The following CCDC149 variants were observed in gnomAD, a reference collection of about 807,000 sequenced individuals.
The protein encoded by CCDC149 is coiled-coil domain-containing protein 149.
CCDC149 carries 45 observed loss-of-function variants against 59.9 expected under a neutral mutation model. The ratio of observed to expected loss-of-function variants is 0.75; its 90% CI spans 0.59 to 0.96. CCDC149 has a LOEUF of 0.96. Among genes scored for constraint, CCDC149 ranks in the 40% least tolerant of loss-of-function variants. CCDC149 has a pLI of 0.00. For synonymous variants in CCDC149, 245 were observed against 260.6 expected, an observed-to-expected ratio of 0.94 and a Z score of 0.58; for missense variants, 584 against 664.7, an observed-to-expected ratio of 0.88 and a Z score of 1.33.
chr4:24,964,592 C>G (rs549351256), intron 1 of CCDC149, among the ~76,000 whole-genome samples: 1 of 152,060 alleles, frequency 6.6e-6, no homozygotes, highest in Admixed American at 6.5e-5. Context: ...GGGACAATAA[C>G]TAAAGAATTG....
Position 24,808,597 on chromosome 4 carries a change from T to C in CCDC149, c.1415A>G (p.Glu472Gly). Residue 472 changes from glutamate (E) to glycine (G), a missense_variant, in exon 13 of 13, where the codon GAA becomes GGA. Physicochemically the swap from Glu to Gly is moderately conservative, Grantham distance 98 (BLOSUM62 -2). Transcript: ENST00000635206. ...ACTCTCTCTTCTGACCTCTTCCAGTTCTGCAGCTGCCTGTTCCTTTGTCAG... is the reference window on the plus strand; with the variant it reads ...ACTCTCTCTTCTGACCTCTTCCAGTCCTGCAGCTGCCTGTTCCTTTGTCAG... The C allele has an allele frequency of 1.9e-6, 3 of 1,552,226 alleles. No homozygotes were observed. The highest frequency in any genetic ancestry group is 1.2e-5 in the South Asian group (1 of 84,064).
chr4:24,912,417 C>T (rs1721928009), intron 1 of CCDC149, among the ~76,000 whole-genome samples: 1 of 152,120 alleles, frequency 6.6e-6, no homozygotes, highest in African/African-American at 2.4e-5. Context: ...CCCCAGGGCT[C>T]GGATTCTCCC....
chr4:24,853,573 G>T (rs922084339), intron 3 of CCDC149, among the ~76,000 whole-genome samples: 1 of 130,198 alleles, frequency 7.7e-6, no homozygotes, highest in Non-Finnish European at 1.5e-5. Context: ...GGGTGACAGA[G>T]CAAGACTCCA....
rs532893543 is a variant in CCDC149 at position 24,964,567 on chromosome 4, G to A, written c.-65+15502C>T. On this transcript the variant is annotated intron_variant, in intron 1 of 12. Transcript: ENST00000389609. ...TATCAGAATTTGAGATACCCCTAAA[G>A]CAATATTGACCTGTGGGACAATAAC... 2.8e-4 allele frequency among the ~76,000 whole-genome samples: 43 copies of A among 152,150 alleles called. No individual in the cohort carries two copies. The South Asian group carries it at 8.1e-3, about 29-fold the overall frequency.
chr4:24,857,978 G>C (rs1391781784), intron 3 of CCDC149, among the ~76,000 whole-genome samples: 1 of 152,060 alleles, frequency 6.6e-6, no homozygotes, highest in African/African-American at 2.4e-5. Context: ...ACTAGAAAAT[G>C]ACTATTCTGA....
chr4:24,831,282 A>G (rs1716127602), intron 9 of CCDC149: 1 of 531,784 alleles, frequency 1.9e-6, no homozygotes. Flanking sequence ...GCTCAGAGTA[A>G]GCATTCAGTA....
At chr4:24,949,191 C>A (rs1382774416) in intron 1 of CCDC149, among the ~76,000 whole-genome samples, 1 of 152,126 alleles carries the variant, frequency 6.6e-6, no homozygotes, top group Non-Finnish European at 1.5e-5. Flanking sequence ...TGGAAATAAC[C>A]TCTTCATTAA....
chr4:24,839,816 A>G (rs1716826874), intron 4 of CCDC149, among the ~76,000 whole-genome samples: 1 of 152,060 alleles, frequency 6.6e-6, no homozygotes, highest in South Asian at 2.1e-4. Flanking sequence ...TCTTTTATGG[A>G]GGTTTTAAGT....
chr4:24,955,864 A>G (rs1723449410), intron 1 of CCDC149, among the ~76,000 whole-genome samples: 1 of 152,250 alleles, frequency 6.6e-6, no homozygotes, highest in South Asian at 2.1e-4. Context: ...TCTTAAGGTT[A>G]CATGGTAAAG....
chr4:24,907,108 A>G (rs1255404761), intron 1 of CCDC149, among the ~76,000 whole-genome samples: 2 of 152,244 alleles, frequency 1.3e-5, no homozygotes, highest in African/African-American at 4.8e-5. Context: ...TTAAGGCATT[A>G]TAGCAAATTA....
chr4:24,906,483 C>T (rs1477545514), intron 1 of CCDC149, among the ~76,000 whole-genome samples: 1 of 151,582 alleles, frequency 6.6e-6, no homozygotes, highest in Admixed American at 6.6e-5. Context: ...CTCACTGCAA[C>T]CACTGCTTCC....
intron 2 of CCDC149, among the ~76,000 whole-genome samples, chr4:24,874,240 A>ATTTTTTTTTTTT (rs1560230340): frequency 2.3e-5 from 2 of 85,688 alleles, no homozygotes; most frequent in African/African-American, 1.2e-4. Flanking sequence ...GTCCTATTAG[A>ATTTTTTTTTTTT]TTTGTTTTTT....
intron 3 of CCDC149, among the ~76,000 whole-genome samples, chr4:24,855,700 C>T: frequency 6.6e-6 from 1 of 152,134 alleles, no homozygotes; most frequent in Middle Eastern, 3.2e-3. Context: ...TCGAATTTTT[C>T]AGCCCCCTAT....
chr4:24,942,062 C>G (rs1324932163), intron 1 of CCDC149, among the ~76,000 whole-genome samples: 9 of 152,160 alleles, frequency 5.9e-5, no homozygotes, highest in Admixed American at 1.3e-4. Context: ...CAGCATCATC[C>G]TGATACCAAA....
At chr4:24,939,457 G>A (rs753115114) in intron 1 of CCDC149, among the ~76,000 whole-genome samples, 25 of 152,262 alleles carry the variant, frequency 1.6e-4, no homozygotes, top group Non-Finnish European at 3.2e-4. Context: ...AAACAGAGCA[G>A]AAAAACTGGA....
intron 3 of CCDC149, among the ~76,000 whole-genome samples, chr4:24,867,199 A>G (rs940018201): frequency 6.6e-6 from 1 of 152,218 alleles, no homozygotes; most frequent in Admixed American, 6.5e-5. Flanking sequence ...AATGAGCATC[A>G]CAAACACCGC....
intron 1 of CCDC149, among the ~76,000 whole-genome samples, chr4:24,930,291 G>C (rs1722551885): frequency 6.6e-6 from 1 of 152,240 alleles, no homozygotes; most frequent in African/African-American, 2.4e-5. Flanking sequence ...CCAGGAGACT[G>C]AAAGAGCTTG....
At chr4:24,877,622 C>T (rs1005554479) in intron 1 of CCDC149, among the ~76,000 whole-genome samples, 1 of 152,238 alleles carries the variant, frequency 6.6e-6, no homozygotes, top group Non-Finnish European at 1.5e-5. Context: ...ACTAACATGG[C>T]CCTGATGCGT....
intron 1 of CCDC149, among the ~76,000 whole-genome samples, chr4:24,928,394 A>G (rs1722490115): frequency 6.6e-6 from 1 of 152,188 alleles, no homozygotes; most frequent in Admixed American, 6.5e-5. Flanking sequence ...ATTGTGAGGG[A>G]AAGTGGGCAC....
Sources: gnomAD v4.1 joint callset for allele counts (sites outside exome capture counted in the v4.1 genomes callset) on GRCh38, gnomAD v4.1.1 for gene constraint, MANE v1.5 for transcripts, NCBI Gene and HGNC (gene_info 2026-07-23, HGNC 2026-07-21) for gene names.